Variants in TEKT5 observed in about 807,000 individuals in gnomAD.
TEKT5 encodes tektin 5, also known as tektin-5.
TEKT5 carries 52 observed loss-of-function variants against 48.7 expected under a neutral mutation model. The observed-to-expected ratio is 1.07, with a 90% CI of 0.86 to 1.35. The LOEUF is 1.35. Ranked by LOEUF, TEKT5 falls within the 40% of genes most tolerant of loss-of-function variation. TEKT5 has a pLI of 0.00. For synonymous variants in TEKT5, 318 were observed against 267.6 expected, an observed-to-expected ratio of 1.19 and a Z score of -1.84; for missense variants, 831 against 641.6, an observed-to-expected ratio of 1.30 and a Z score of -3.19.
intron 5 of TEKT5, among the ~76,000 whole-genome samples, chr16:10,638,427 C>A (rs1424540251): frequency 1.3e-5 from 2 of 151,158 alleles, no homozygotes; most frequent in East Asian, 3.8e-4. Flanking sequence ...TGTCTTGACA[C>A]CCCTTCCCAG....
chr16:10,683,629 C>T (rs916426328), intron 3 of TEKT5, among the ~76,000 whole-genome samples: 2 of 152,106 alleles, frequency 1.3e-5, no homozygotes, highest in African/African-American at 2.4e-5. Flanking sequence ...TTCCTTTTGT[C>T]GCTTAGGCTG....
chr16:10,686,393 G>T (rs1018474383), intron 3 of TEKT5, among the ~76,000 whole-genome samples: 2 of 151,632 alleles, frequency 1.3e-5, no homozygotes, highest in African/African-American at 2.4e-5. Flanking sequence ...GGAGGAGGAG[G>T]TTGCAGTGAG....
intron 6 of TEKT5, among the ~76,000 whole-genome samples, chr16:10,632,660 T>G (rs977992286): frequency 2.0e-5 from 3 of 151,934 alleles, no homozygotes; most frequent in Admixed American, 6.6e-5. Context: ...CCCTAGTGAT[T>G]GGAGTAGGTC....
At chr16:10,681,966 G>A in intron 4 of TEKT5, 27 bp downstream of exon 4, 1 of 1,611,024 alleles carries the variant, frequency 6.2e-7, no homozygotes. Flanking sequence ...ACACGCCAGG[G>A]ATGGGGAGGG....
chr16:10,659,573 G>A (rs1009222257), intron 5 of TEKT5, among the ~76,000 whole-genome samples: 10 of 152,090 alleles, frequency 6.6e-5, no homozygotes, highest in African/African-American at 1.9e-4. Flanking sequence ...TAGAGATGGG[G>A]TTTCACCATG....
intron 1 of TEKT5, chr16:10,690,745 G>T (rs1304387580): frequency 1.0e-6 from 1 of 985,272 alleles, no homozygotes; most frequent in Non-Finnish European, 1.2e-6. Flanking sequence ...AGGACAAGGG[G>T]CTTTTCAGGG....
intron 5 of TEKT5, among the ~76,000 whole-genome samples, chr16:10,658,269 C>T (rs1333892708): frequency 2.0e-5 from 3 of 152,064 alleles, no homozygotes; most frequent in Middle Eastern, 3.2e-3. Context: ...TTCCTGGGAA[C>T]GCCCATGAGA....
chr16:10,663,153 A>G (rs12931841), intron 5 of TEKT5, among the ~76,000 whole-genome samples: 65,345 of 151,780 alleles, frequency 0.43, 14,798 homozygotes, highest in East Asian at 0.64. Flanking sequence ...TCTGCCTCAG[A>G]TAAAACCAAC....
chr16:10,667,180 T>TA (rs1231828321), intron 5 of TEKT5, among the ~76,000 whole-genome samples: 2 of 151,776 alleles, frequency 1.3e-5, no homozygotes, highest in East Asian at 3.9e-4. Flanking sequence ...AACAAGATCT[T>TA]ACTCTGTGGC....
chr16:10,690,661 G>A (rs1014174490), intron 1 of TEKT5: 2 of 985,292 alleles, frequency 2.0e-6, no homozygotes, highest in Non-Finnish European at 2.4e-6. Context: ...TGGGGAAGTG[G>A]TCAGGACAAC....
At chr16:10,675,551 GC>G (rs1173629952) in intron 5 of TEKT5, among the ~76,000 whole-genome samples, 1 of 152,210 alleles carries the variant, frequency 6.6e-6, no homozygotes, top group Non-Finnish European at 1.5e-5. Flanking sequence ...TACCGTTCAG[GC>G]CTTTGGAAGT....
intron 5 of TEKT5, among the ~76,000 whole-genome samples, chr16:10,655,769 T>C (rs1898250653): frequency 6.6e-6 from 1 of 152,310 alleles, no homozygotes; most frequent in Admixed American, 6.5e-5. Flanking sequence ...TCCAGCAGCC[T>C]CCTTGGACCA....
intron 6 of TEKT5, among the ~76,000 whole-genome samples, chr16:10,629,516 GC>G (rs1897805895): frequency 6.6e-6 from 1 of 152,018 alleles, no homozygotes; most frequent in Admixed American, 6.6e-5. Flanking sequence ...CTCCCAAAGT[GC>G]TGGGATTACA....
intron 5 of TEKT5, among the ~76,000 whole-genome samples, chr16:10,669,107 T>C (rs370245954): frequency 2.0e-5 from 3 of 152,238 alleles, no homozygotes; most frequent in African/African-American, 7.2e-5. Context: ...CATACAAATA[T>C]GTGTACATGA....
At chr16:10,655,119 TA>T (rs1406212617) in intron 5 of TEKT5, among the ~76,000 whole-genome samples, 2 of 152,142 alleles carry the variant, frequency 1.3e-5, no homozygotes, top group Non-Finnish European at 2.9e-5. Flanking sequence ...CTGCCTTTCC[TA>T]AAAAAACAAT....
At chr16:10,678,859 G>A (rs1395755163) in intron 4 of TEKT5, among the ~76,000 whole-genome samples, 1 of 152,188 alleles carries the variant, frequency 6.6e-6, no homozygotes, top group African/African-American at 2.4e-5. Context: ...AAGACAGTCT[G>A]CCTCCTCAGC....
At chr16:10,631,567 G>A (rs1897842046) in intron 6 of TEKT5, among the ~76,000 whole-genome samples, 1 of 152,080 alleles carries the variant, frequency 6.6e-6, no homozygotes, top group Non-Finnish European at 1.5e-5. Context: ...ATGTTATTAG[G>A]AAATAGGGTC....
At chr16:10,690,095 C>T (rs930985397) in intron 1 of TEKT5, 70 bp from the exon 2 acceptor site, 5 of 1,511,008 alleles carry the variant, frequency 3.3e-6, no homozygotes, top group Non-Finnish European at 4.6e-6. Context: ...AAGGGACTCA[C>T]ATCCACCCTT....
chr16:10,682,664 A>G (rs1434984851), intron 3 of TEKT5, among the ~76,000 whole-genome samples: 1 of 152,194 alleles, frequency 6.6e-6, no homozygotes, highest in African/African-American at 2.4e-5. Context: ...GTAAGCACTT[A>G]CCGTAAAGGG....
Sources: allele counts gnomAD v4.1 joint callset (sites outside exome capture counted in the v4.1 genomes callset), GRCh38; gene constraint gnomAD v4.1.1; transcripts MANE v1.5; gene names NCBI Gene and HGNC (gene_info 2026-07-23, HGNC 2026-07-21).